NCAPD3: variants seen among roughly 807,000 people sequenced by gnomAD.
NCAPD3 encodes the protein condensin-2 complex subunit D3.
Under a neutral mutation model 182.9 loss-of-function variants are expected in NCAPD3, and 105 were observed. That is an observed-to-expected ratio of 0.57 (90% CI 0.49 to 0.68). NCAPD3 has a LOEUF of 0.68. NCAPD3 is among the 30% of genes least tolerant of loss of function. NCAPD3 has a pLI of 0.00. For missense variants in NCAPD3, 1,944 were observed against 1,837.0 expected, an observed-to-expected ratio of 1.06 and a Z score of -1.07; for synonymous variants, 815 against 679.9, an observed-to-expected ratio of 1.20 and a Z score of -3.09.
chr11:134,153,763 G>A lies in NCAPD3; in HGVS notation c.4253-400C>T, dbSNP rs569760678. On this transcript the variant is annotated intron_variant, in intron 32 of 34. Transcript: ENST00000534548. ...TGCCTCTGCACCTCCACGCGTGCCT[G>A]CTGGTTTCCAGCCAGTGACTGGAGC... 55 of 237,690 alleles carry A rather than the reference G, an allele frequency of 2.3e-4. No homozygotes were observed. The South Asian group carries it at 3.3e-3, about 14-fold the overall frequency. 14.7% of individuals were successfully genotyped at this position (237,690 alleles called of 1,614,324 possible).
Position 134,177,242 on chromosome 11 carries a change from T to G in NCAPD3, c.2998A>C (p.Ile1000Leu), listed in dbSNP as rs572097232. The G allele has an allele frequency of 1.2e-6, 2 of 1,613,962 alleles. No homozygotes were observed. The highest frequency in any genetic ancestry group is 2.7e-5 in the African/African-American group (2 of 74,940). Reference sequence around the variant, plus strand: ...ACCTGCAAGAGATTGGTAAGCAAGATGAGTGTCTGCTTCCGGATGAATGGG... The same window carrying G: ...ACCTGCAAGAGATTGGTAAGCAAGAGGAGTGTCTGCTTCCGGATGAATGGG... ...SDPFIRKQTLILLTNLLQEEF... is the reference protein window; with the variant it reads ...SDPFIRKQTLLLLTNLLQEEF... The change falls in exon 23 of 35, where the codon ATC becomes CTC. Residue 1000 changes from isoleucine (I) to leucine (L), a missense_variant. Physicochemically the swap from Ile to Leu is conservative, Grantham distance 5. Coordinates refer to ENST00000534548, the MANE Select transcript of NCAPD3 (RefSeq NM_015261.3).
At chr11:134,177,505 T>C (rs761322778) in intron 22 of NCAPD3, 48 bp from the exon 23 acceptor site, 1 of 1,529,222 alleles carries the variant, frequency 6.5e-7, no homozygotes, top group East Asian at 2.3e-5. Context: ...TAAATCCTAA[T>C]TCCATTCCTA....
intron 29 of NCAPD3, 81 bp from the exon 30 acceptor site, chr11:134,158,576 T>TG: frequency 7.0e-7 from 1 of 1,437,992 alleles, no homozygotes; most frequent in Non-Finnish European, 9.5e-7. Flanking sequence ...TGTACATGGT[T>TG]GGGGGTCCAT....
intron 22 of NCAPD3, among the ~76,000 whole-genome samples, chr11:134,178,325 GAA>G (rs891661727): frequency 1.8e-4 from 27 of 151,892 alleles, no homozygotes; most frequent in African/African-American, 6.0e-4. Flanking sequence ...TGAAGGTATT[GAA>G]AAAAAATTAC....
intron 27 of NCAPD3, among the ~76,000 whole-genome samples, chr11:134,165,079 T>TCA (rs1196810930): frequency 1.3e-5 from 2 of 148,762 alleles, no homozygotes; most frequent in African/African-American, 2.5e-5. Flanking sequence ...AGCGGCACAC[T>TCA]CACTTGTGAA....
intron 3 of NCAPD3, among the ~76,000 whole-genome samples, chr11:134,212,318 T>C (rs1314444574): frequency 6.6e-6 from 1 of 151,890 alleles, no homozygotes; most frequent in Non-Finnish European, 1.5e-5. Flanking sequence ...CTTTATAACA[T>C]GTAGAAAAAA....
intron 1 of NCAPD3, among the ~76,000 whole-genome samples, chr11:134,221,397 A>G (rs1938221612): frequency 6.6e-6 from 1 of 151,230 alleles, no homozygotes; most frequent in African/African-American, 2.4e-5. Context: ...TTTTTAACTT[A>G]AAGTTTTTGG....
chr11:134,193,722 TA>T (rs1944569401), intron 15 of NCAPD3, among the ~76,000 whole-genome samples: 1 of 152,180 alleles, frequency 6.6e-6, no homozygotes, highest in African/African-American at 2.4e-5. Flanking sequence ...CACTGCACTC[TA>T]AGCCTGAGAA....
At position 134,153,360 on chromosome 11, in the gene NCAPD3, C is replaced by G; in HGVS notation, c.4256G>C (p.Ser1419Thr). 6.2e-7 allele frequency: 1 copy of G among 1,614,124 alleles called. No homozygotes were observed. Among genetic ancestry groups the G allele is most frequent in the Non-Finnish European group, 8.5e-7 (1 of 1,180,006 alleles). ...TKRAISTPEK[S>T]ISDVTFGAGV... Reference sequence around the variant, plus strand: ...TGCTCCAAACGTGACATCACTGATGCTCTCTGCATAAAGAGGAGACACCAC... The same window carrying G: ...TGCTCCAAACGTGACATCACTGATGGTCTCTGCATAAAGAGGAGACACCAC... The change falls in exon 33 of 35, where the codon AGC (serine) becomes ACC (threonine). Residue 1419 changes from serine (S) to threonine (T), a missense_variant. Physicochemically the swap from Ser to Thr is moderately conservative, Grantham distance 58. Around this residue, in one of 3 missense-constraint regions of NCAPD3, gnomAD observed 1,803 missense variants for 1,674.6 expected, o/e 1.08. Transcript: ENST00000534548.
At chr11:134,203,611 G>A (rs758581337) in intron 11 of NCAPD3, 43 bp downstream of exon 11, 4 of 1,590,470 alleles carry the variant, frequency 2.5e-6, no homozygotes, top group African/African-American at 1.3e-5. Flanking sequence ...ATTTCTCAAT[G>A]AGCACAAGAC....
intron 1 of NCAPD3, among the ~76,000 whole-genome samples, chr11:134,221,009 A>C (rs1204197125): frequency 6.6e-6 from 1 of 152,280 alleles, no homozygotes; most frequent in Admixed American, 6.5e-5. Context: ...ACTTCAAAAC[A>C]TTCAGTGATC....
At chr11:134,210,540 A>G in intron 3 of NCAPD3, 86 bp from the exon 4 acceptor site, 7 of 1,208,562 alleles carry the variant, frequency 5.8e-6, no homozygotes, top group Non-Finnish European at 8.2e-6. Context: ...TTACAAAGCA[A>G]AACACAGGCT....
chr11:134,206,488 A>C (rs576358932), intron 8 of NCAPD3, 111 bp downstream of exon 8: 2 of 1,439,504 alleles, frequency 1.4e-6, no homozygotes, highest in East Asian at 4.6e-5. Context: ...CACCCCCAAA[A>C]CCACCATCAG....
Position 134,203,173 on chromosome 11 carries a change from ACT to A in NCAPD3, c.1492_1493del (p.His499ProfsTer19). ...AATTTCTCAGTAAGGTACCAGGGTGACTCTCTATTACAGAAAACGTAGGACCT... is the reference window on the plus strand; with the variant it reads ...AATTTCTCAGTAAGGTACCAGGGTGACTCTATTACAGAAAACGTAGGACCT... ...INSPTFSVIESHPGTLLRNSS... is the reference protein window; with the variant it reads ...INSPTFSVIEXHPGTLLRNSS... On this transcript the variant is annotated frameshift_variant, in exon 12 of 35. Coordinates refer to ENST00000534548, the MANE Select transcript of NCAPD3 (RefSeq NM_015261.3). LOFTEE classifies it high-confidence loss of function. 1 of 1,598,366 alleles carries A rather than the reference ACT, an allele frequency of 6.3e-7. No individual in the cohort carries two copies. The highest frequency in any genetic ancestry group is 8.6e-7 in the Non-Finnish European group (1 of 1,165,814).
Position 134,168,069 on chromosome 11 carries a change from A to G in NCAPD3, c.3500T>C (p.Leu1167Pro), listed in dbSNP as rs768231082. The change falls in exon 27 of 35, where the codon CTC becomes CCC. Residue 1167 changes from leucine to proline, a missense_variant. Around this residue, in one of 3 missense-constraint regions of NCAPD3, gnomAD observed 1,803 missense variants for 1,674.6 expected, o/e 1.08. Transcript: ENST00000534548. ...GGCCATGTCATCTTCTTCCATAAGG[A>G]GGTCTTTGTCTGGTTTAGATCTCAT... ...LAMRSKPDKD[L>P]LMEEDDMALA... 1 of 1,614,148 alleles carries G rather than the reference A, an allele frequency of 6.2e-7. No homozygotes were observed. Among genetic ancestry groups the G allele is most frequent in the East Asian group, 2.2e-5 (1 of 44,888 alleles).
chr11:134,193,295 T>C (rs1227988389), intron 15 of NCAPD3, among the ~76,000 whole-genome samples: 2 of 152,244 alleles, frequency 1.3e-5, no homozygotes, highest in Non-Finnish European at 2.9e-5. Flanking sequence ...CTAAAATTCT[T>C]TGACTAAAAT....
At chr11:134,161,490 G>A (rs1287253890) in intron 28 of NCAPD3, among the ~76,000 whole-genome samples, 1 of 152,178 alleles carries the variant, frequency 6.6e-6, no homozygotes, top group African/African-American at 2.4e-5. Flanking sequence ...CTGTGTTCTT[G>A]ACCCCAGCTG....
upstream of NCAPD3, chr11:134,223,993 A>C: frequency 3.2e-6 from 5 of 1,574,812 alleles, no homozygotes; most frequent in South Asian, 3.5e-5. Flanking sequence ...GCGCGCGCCG[A>C]GTCGTTCCTG....
intron 32 of NCAPD3, among the ~76,000 whole-genome samples, chr11:134,154,879 G>A (rs1264816997): frequency 6.6e-5 from 10 of 152,328 alleles, no homozygotes; most frequent in African/African-American, 2.4e-4. Flanking sequence ...ACTAATAGAC[G>A]ATGGTAGAGA....
Sources: gnomAD v4.1 joint callset for allele counts (sites outside exome capture counted in the v4.1 genomes callset) on GRCh38, gnomAD v4.1.1 for gene constraint, gnomAD v4.1.1 regional missense constraint, MANE v1.5 for transcripts, NCBI Gene and HGNC (gene_info 2026-07-23, HGNC 2026-07-21) for gene names.